Variants in MYT1L observed in about 807,000 individuals in gnomAD.
MYT1L encodes myelin transcription factor 1 like.
MYT1L carries 12 observed loss-of-function variants against 126.7 expected under a neutral mutation model. That is an observed-to-expected ratio of 0.09 (90% CI 0.06 to 0.15). The LOEUF is 0.15. MYT1L is among the 10% of genes least tolerant of loss of function. MYT1L has a pLI of 1.00. For missense variants in MYT1L, 979 were observed against 1,585.2 expected (o/e 0.62, Z 6.49); for synonymous variants, 541 against 604.2 (o/e 0.90, Z 1.53).
chr2:2,157,713 C>T (rs751800546), intron 3 of MYT1L, among the ~76,000 whole-genome samples: 2 of 152,184 alleles, frequency 1.3e-5, no homozygotes, highest in East Asian at 1.9e-4. Context: ...CATTCATCTG[C>T]TTCTTTTATA....
chr2:1,798,417 A>G (rs1275029631), intron 23 of MYT1L, among the ~76,000 whole-genome samples: 1 of 152,186 alleles, frequency 6.6e-6, no homozygotes, highest in African/African-American at 2.4e-5. Context: ...AGGCCTGAGC[A>G]CTGACCCTAC....
intron 2 of MYT1L, among the ~76,000 whole-genome samples, chr2:2,240,065 A>G (rs1971048): frequency 0.41 from 62,879 of 151,696 alleles, 13,216 homozygotes; most frequent in East Asian, 0.62. Flanking sequence ...TTGGAGGCCG[A>G]GGTGGGCAGA....
chr2:2,307,561 T>C (rs1468568482), intron 1 of MYT1L, among the ~76,000 whole-genome samples: 2 of 152,084 alleles, frequency 1.3e-5, no homozygotes, highest in Non-Finnish European at 2.9e-5. Context: ...CCTTCAGTAA[T>C]TTCACATTAT....
At chr2:1,869,751 CATT>C (rs1314735246) in intron 18 of MYT1L, among the ~76,000 whole-genome samples, 1 of 152,120 alleles carries the variant, frequency 6.6e-6, no homozygotes, top group Non-Finnish European at 1.5e-5. Context: ...TGATTATTAT[CATT>C]ATCCCAGTTT....
chr2:2,227,087 C>G (rs904350390), intron 2 of MYT1L, among the ~76,000 whole-genome samples: 1 of 152,104 alleles, frequency 6.6e-6, no homozygotes, highest in Admixed American at 6.5e-5. Flanking sequence ...TTCCAGGACA[C>G]CACTCTCCTG....
intron 2 of MYT1L, among the ~76,000 whole-genome samples, chr2:2,223,977 C>G (rs1481800281): frequency 6.6e-6 from 1 of 151,836 alleles, no homozygotes; most frequent in African/African-American, 2.4e-5. Flanking sequence ...GTCGGTGGGC[C>G]CTTTGTGTTG....
At chr2:1,923,833 G>A (rs896671035) in intron 9 of MYT1L, among the ~76,000 whole-genome samples, 2 of 152,230 alleles carry the variant, frequency 1.3e-5, no homozygotes, top group South Asian at 4.1e-4. Context: ...ATAAGCACAT[G>A]TTGGGGCTGA....
At chr2:2,263,097 A>G (rs1342967669) in intron 2 of MYT1L, among the ~76,000 whole-genome samples, 2 of 151,468 alleles carry the variant, frequency 1.3e-5, no homozygotes, top group African/African-American at 4.9e-5. Context: ...AATAACTTTA[A>G]AAAGAGAACT....
rs755063473 is a variant in MYT1L, at chr2:2,261,609, C to CA, written c.-421+22794dup. Among the ~76,000 whole-genome samples, 11 of 152,012 alleles carry CA rather than the reference C, an allele frequency of 7.2e-5. No homozygotes were observed. In the East Asian group the frequency reaches 1.5e-3, roughly 21 times the overall value. On this transcript the variant is annotated intron_variant, in intron 2 of 24. Transcript: ENST00000647738. ...TAATGAGGCAAATAGCAGAATCTGG[C>CA]AAAAAATGCATTTATGTTAGAAGTC... is the stretch of plus-strand genomic sequence containing the variant.
intron 18 of MYT1L, among the ~76,000 whole-genome samples, chr2:1,855,460 CCTCTCAGCTCCCTTTCAGGGAGGCTGCGG>C (rs2043794335): frequency 6.6e-6 from 1 of 152,204 alleles, no homozygotes; most frequent in Admixed American, 6.5e-5. Context: ...ATGGAAACGG[CCTCTCAGCTCCCTTTCAGGGAGGCTGCGG>C]CTCTCAGCGC....
chr2:1,979,643 T>A lies in MYT1L; in HGVS notation c.55+80A>T. The stretch of plus-strand genomic sequence containing the variant: ...AATTACCAAAAGGGTGGCATGAAAG[T>A]GGGGTCAGAATCGACCTCAGTTCCG... On this transcript the variant is annotated intron_variant, in intron 6 of 24. Transcript: ENST00000647738. The surrounding 1 kb of genome is among the most constrained non-coding windows in gnomAD (Gnocchi z 4.0). 6.2e-7 allele frequency: 1 copy of A among 1,604,350 alleles called. No homozygotes were observed. Among genetic ancestry groups the A allele is most frequent in the Non-Finnish European group, 8.5e-7 (1 of 1,171,466 alleles).
intron 9 of MYT1L, among the ~76,000 whole-genome samples, chr2:1,934,594 T>A (rs1000168618): frequency 1.3e-5 from 2 of 152,058 alleles, no homozygotes; most frequent in Non-Finnish European, 2.9e-5. Flanking sequence ...GAGAATGAGC[T>A]GTTTGGAGTC....
intron 1 of MYT1L, among the ~76,000 whole-genome samples, chr2:2,295,231 A>T (rs59678720): frequency 0.05 from 7,679 of 152,260 alleles, 408 homozygotes; most frequent in African/African-American, 0.14. Context: ...TGATGGGAAG[A>T]GACAGATGAG....
intron 3 of MYT1L, among the ~76,000 whole-genome samples, chr2:2,068,202 G>C (rs1389990797): frequency 6.6e-6 from 1 of 152,144 alleles, no homozygotes; most frequent in African/African-American, 2.4e-5. Context: ...GGGAGAATGT[G>C]GGGATGAGCT....
intron 3 of MYT1L, among the ~76,000 whole-genome samples, chr2:2,103,575 G>A (rs1314225156): frequency 2.0e-5 from 3 of 152,188 alleles, no homozygotes; most frequent in African/African-American, 7.2e-5. Context: ...AGCTTAAACG[G>A]GGAACTCATA....
chr2:1,909,174 T>C (rs2051527990), intron 13 of MYT1L, among the ~76,000 whole-genome samples: 1 of 152,194 alleles, frequency 6.6e-6, no homozygotes, highest in South Asian at 2.1e-4. Context: ...GGCTAGAGTA[T>C]GGTGGTGCAA....
intron 3 of MYT1L, among the ~76,000 whole-genome samples, chr2:2,129,956 A>G (rs947313015): frequency 3.3e-5 from 5 of 152,094 alleles, no homozygotes; most frequent in African/African-American, 1.2e-4. Context: ...CTTAAGGAAC[A>G]TAAGAAACAG....
At position 1,971,741 on chromosome 2, in the gene MYT1L, AC is replaced by A. The variant is rs1226026110; in HGVS notation, c.152+7423del. ...GCGAGACTCCATCTCAAAAAACTAA[AC>A]AAAACAAAAGAAAAAACAAAAGAGG... On this transcript the variant is annotated intron_variant, in intron 8 of 24. Transcript: ENST00000647738. Among the ~76,000 whole-genome samples, 5 of 152,292 alleles carry A rather than the reference AC, an allele frequency of 3.3e-5. No homozygotes were observed. The East Asian group carries it at 9.7e-4, about 29-fold the overall frequency.
chr2:2,178,227 T>C (rs1334222030), intron 2 of MYT1L, among the ~76,000 whole-genome samples: 4 of 152,182 alleles, frequency 2.6e-5, no homozygotes, highest in Non-Finnish European at 5.9e-5. Flanking sequence ...AAATGACTAA[T>C]AAATTTAGGT....
Sources: gnomAD v4.1 joint callset for allele counts (sites outside exome capture counted in the v4.1 genomes callset) on GRCh38, gnomAD v4.1.1 for gene constraint, Gnocchi (gnomAD v3.1) non-coding constraint, MANE v1.5 for transcripts, NCBI Gene and HGNC (gene_info 2026-07-23, HGNC 2026-07-21) for gene names.